The following RNF216 variants were observed in gnomAD, a reference collection of about 807,000 sequenced individuals.
The protein encoded by RNF216 is E3 ubiquitin-protein ligase RNF216.
In RNF216, 72 loss-of-function variants were observed where a neutral mutation model predicts 110.8. The observed-to-expected ratio is 0.65, with a 90% CI of 0.54 to 0.79. RNF216 has a LOEUF of 0.79. Among genes scored for constraint, RNF216 ranks in the 30% least tolerant of loss-of-function variants. The pLI, the probability that RNF216 is intolerant of heterozygous loss-of-function variation, is 0.00. For synonymous variants in RNF216, 495 were observed against 407.5 expected (o/e 1.21, Z -2.59); for missense variants, 1,342 against 1,141.2 (o/e 1.18, Z -2.54).
intron 1 of RNF216, among the ~76,000 whole-genome samples, chr7:5,774,669 T>C (rs904027616): frequency 4.6e-5 from 7 of 152,140 alleles, no homozygotes; most frequent in South Asian, 2.1e-4. Context: ...AATAGCTGCA[T>C]TGTAATCACA....
intron 13 of RNF216, among the ~76,000 whole-genome samples, chr7:5,658,654 CAAAA>C (rs753036691): frequency 1.3e-5 from 1 of 74,924 alleles, no homozygotes; most frequent in African/African-American, 4.1e-5. Flanking sequence ...GAGACTGTCT[CAAAA>C]AAAAAAAAAA....
chr7:5,655,712 G>T (rs747923197), intron 13 of RNF216, among the ~76,000 whole-genome samples: 1 of 148,354 alleles, frequency 6.7e-6, no homozygotes, highest in Non-Finnish European at 1.5e-5. Context: ...TTAACATTTG[G>T]AGCTCTCTCT....
At chr7:5,720,089 C>T (rs193027315) in intron 9 of RNF216, among the ~76,000 whole-genome samples, 2 of 152,228 alleles carry the variant, frequency 1.3e-5, no homozygotes, top group African/African-American at 2.4e-5. Flanking sequence ...GATGGCTCTA[C>T]GACACTGGCC....
chr7:5,738,217 C>T (rs1794546094), intron 5 of RNF216, among the ~76,000 whole-genome samples: 1 of 151,262 alleles, frequency 6.6e-6, no homozygotes, highest in Non-Finnish European at 1.5e-5. Flanking sequence ...AGCATATTTA[C>T]CACTTATAAA....
intron 8 of RNF216, among the ~76,000 whole-genome samples, chr7:5,723,886 G>T (rs1423432905): frequency 6.6e-6 from 1 of 152,154 alleles, no homozygotes; most frequent in Non-Finnish European, 1.5e-5. Context: ...GTCAAAAAAG[G>T]CTAAGTGTGA....
At chr7:5,700,326 A>C (rs941799539) in intron 13 of RNF216, among the ~76,000 whole-genome samples, 4 of 152,316 alleles carry the variant, frequency 2.6e-5, no homozygotes, top group Admixed American at 2.6e-4. Flanking sequence ...GGATGCTGAC[A>C]CCTAACAACA....
At chr7:5,745,893 TA>T (rs55943759) in intron 3 of RNF216, among the ~76,000 whole-genome samples, 21 of 129,984 alleles carry the variant, frequency 1.6e-4, no homozygotes, top group South Asian at 2.6e-4. Context: ...GAGACTGTCT[TA>T]AAAAAAAAAA....
intron 2 of RNF216, among the ~76,000 whole-genome samples, chr7:5,756,705 T>C (rs1436770394): frequency 2.6e-5 from 4 of 152,334 alleles, no homozygotes; most frequent in Non-Finnish European, 5.9e-5. Context: ...CTCTGCAGCC[T>C]TGACCTACTA....
chr7:5,724,740 A>C (rs1391608226), intron 8 of RNF216, among the ~76,000 whole-genome samples: 1 of 152,200 alleles, frequency 6.6e-6, no homozygotes, highest in Non-Finnish European at 1.5e-5. Flanking sequence ...GAAAGGGATG[A>C]TCTCTAGAAA....
At chr7:5,780,863 G>C (rs1284822769) in intron 1 of RNF216, among the ~76,000 whole-genome samples, 3 of 152,230 alleles carry the variant, frequency 2.0e-5, no homozygotes, top group South Asian at 2.1e-4. Context: ...CACGCTCCAG[G>C]GTTGGTTGCA....
At chr7:5,739,529 G>A (rs1301885352) in intron 4 of RNF216, 177 bp from the exon 5 acceptor site, 1 of 697,664 alleles carries the variant, frequency 1.4e-6, no homozygotes, top group Non-Finnish European at 2.6e-6. Flanking sequence ...TGTCTACATA[G>A]AAGATGAGGT....
chr7:5,664,614 T>G (rs1789383575), intron 13 of RNF216, among the ~76,000 whole-genome samples: 1 of 152,102 alleles, frequency 6.6e-6, no homozygotes, highest in African/African-American at 2.4e-5. Context: ...GGACTGGAAA[T>G]GCGCATTCTG....
At chr7:5,643,059 A>G (rs1787838326) in intron 14 of RNF216, among the ~76,000 whole-genome samples, 1 of 152,200 alleles carries the variant, frequency 6.6e-6, no homozygotes. Flanking sequence ...CTGACATGAA[A>G]TAATAATGGG....
At chr7:5,780,965 C>T (rs1336329598) in intron 1 of RNF216, among the ~76,000 whole-genome samples, 14 of 152,226 alleles carry the variant, frequency 9.2e-5, no homozygotes, top group Non-Finnish European at 1.9e-4. Flanking sequence ...TGCCCAGCGC[C>T]CGGACACCCG....
chr7:5,622,677 T>G lies in RNF216; in HGVS notation c.*183A>C, dbSNP rs1786445911. 1.6e-6 allele frequency: 1 copy of G among 624,594 alleles called. No homozygotes were observed. The highest frequency in any genetic ancestry group is 2.7e-5 in the East Asian group (1 of 36,650). The allele number at this position is 624,594 out of a possible 1,614,324, so 38.7% of individuals were successfully genotyped here. A position where few individuals can be genotyped will look rare whatever the true frequency, so the allele number is the denominator to read the frequency against. On this transcript the variant is annotated 3_prime_UTR_variant, in exon 17 of 17. Coordinates refer to ENST00000389902, the MANE Select transcript of RNF216 (RefSeq NM_207111.4). Reference sequence around the variant, plus strand: ...AACTCCACCATTTGGGACGTCTTTATTATGGATCCGTCCACTCTTCCAGGA... The same window carrying G: ...AACTCCACCATTTGGGACGTCTTTAGTATGGATCCGTCCACTCTTCCAGGA...
chr7:5,753,046 T>C, intron 2 of RNF216, 67 bp from the exon 3 acceptor site: 1 of 1,533,072 alleles, frequency 6.5e-7, no homozygotes, highest in South Asian at 1.3e-5. Flanking sequence ...TTTAAGTTTT[T>C]CCTGACAGGG....
intron 2 of RNF216, among the ~76,000 whole-genome samples, chr7:5,760,164 T>A (rs892048786): frequency 4.6e-5 from 7 of 152,188 alleles, no homozygotes; most frequent in African/African-American, 1.4e-4. Flanking sequence ...TGTAAGAATG[T>A]TACAGAAATG....
chr7:5,650,146 T>A (rs1257606941), intron 14 of RNF216: 1 of 152,202 alleles, frequency 6.6e-6, no homozygotes, highest in Non-Finnish European at 1.5e-5. Context: ...TATCATGATA[T>A]CCCTTCCAAA....
At chr7:5,748,413 C>A (rs1795149048) in intron 3 of RNF216, among the ~76,000 whole-genome samples, 1 of 152,176 alleles carries the variant, frequency 6.6e-6, no homozygotes, top group South Asian at 2.1e-4. Context: ...GTGCTCACCA[C>A]CATGCCCAGC....
Sources: gnomAD v4.1 joint callset for allele counts (sites outside exome capture counted in the v4.1 genomes callset) on GRCh38, gnomAD v4.1.1 for gene constraint, MANE v1.5 for transcripts, NCBI Gene and HGNC (gene_info 2026-07-23, HGNC 2026-07-21) for gene names.